DNASE1: variants seen among roughly 807,000 people sequenced by gnomAD.
The protein encoded by DNASE1 is deoxyribonuclease-1.
A neutral mutation model predicts 33.9 loss-of-function variants in DNASE1; 40 were observed. The ratio of observed to expected loss-of-function variants is 1.18; its 90% CI spans 0.92 to 1.54. The LOEUF (loss-of-function observed/expected upper bound fraction) is 1.54, where lower values mean the gene tolerates loss of function less well. Among genes scored for constraint, DNASE1 ranks in the 40% most tolerant of loss-of-function variants. The probability of loss-of-function intolerance (pLI) is 0.00; values close to 1 mark genes in which losing one functional copy is unlikely to be tolerated. For synonymous variants in DNASE1, 216 were observed against 160.0 expected, an observed-to-expected ratio of 1.35 and a Z score of -2.64; for missense variants, 518 against 372.6, an observed-to-expected ratio of 1.39 and a Z score of -3.21.
intron 1 of DNASE1, among the ~76,000 whole-genome samples, chr16:3,634,794 G>T (rs1409801323): frequency 6.6e-6 from 1 of 151,980 alleles, no homozygotes; most frequent in Non-Finnish European, 1.5e-5. Flanking sequence ...GGATTAACAG[G>T]TGTGAGCCAT....
chr16:3,658,366 T>G (rs538076270), downstream of DNASE1: 55 of 686,802 alleles, frequency 8.0e-5, no homozygotes, highest in African/African-American at 8.7e-4. Context: ...CCTCAGGTGA[T>G]CCCCCCGCCT....
chr16:3,615,491 T>C (rs1395752827), intron 1 of DNASE1, among the ~76,000 whole-genome samples: 1 of 152,194 alleles, frequency 6.6e-6, no homozygotes, highest in Non-Finnish European at 1.5e-5. Flanking sequence ...ACTAGATGGA[T>C]GTTATTTCAG....
intron 1 of DNASE1, among the ~76,000 whole-genome samples, chr16:3,645,657 T>C (rs377282476): frequency 6.6e-6 from 1 of 152,210 alleles, no homozygotes; most frequent in Non-Finnish European, 1.5e-5. Context: ...AGGCGAGTGC[T>C]GACATTCCAT....
rs747025420 is a variant in DNASE1 at position 3,620,518 on chromosome 16, C to CA, written c.-1359+8527dup. Among the ~76,000 whole-genome samples the CA allele has an allele frequency of 8.4e-3, 798 of 95,536 alleles. 3 individuals are homozygous for CA. The highest frequency in any genetic ancestry group is 0.017 in the Admixed American group (155 of 8,870). The allele number at this position is 95,536 out of a possible 152,430, so 62.7% of individuals were successfully genotyped here. On this transcript the variant is annotated intron_variant and NMD_transcript_variant, in intron 1 of 11. Coordinates refer to the DNASE1 transcript ENST00000570769. Reference sequence around the variant, plus strand: ...TGGGTGACAGAGTGAGACCCTGTCTCAAAAAAAAAAAAAAAGTAATTATAC... The same window carrying CA: ...TGGGTGACAGAGTGAGACCCTGTCTCAAAAAAAAAAAAAAAAGTAATTATAC...
exon 10 of DNASE1, chr16:3,663,850 G>A: frequency 2.3e-6 from 1 of 430,702 alleles, no homozygotes; most frequent in Non-Finnish European, 4.2e-6. Flanking sequence ...AAAGCAGGCA[G>A]ATCATGAGGT....
At chr16:3,642,419 A>G (rs1215660978), upstream of DNASE1, among the ~76,000 whole-genome samples, 1 of 152,184 alleles carries the variant, frequency 6.6e-6, no homozygotes, top group Non-Finnish European at 1.5e-5. Flanking sequence ...CCTTCCTCAG[A>G]GAGGCCTTGG....
At chr16:3,664,786 T>C in exon 10 of DNASE1, 1 of 278,486 alleles carries the variant, frequency 3.6e-6, no homozygotes, top group Non-Finnish European at 6.8e-6. Context: ...CCCTCTGCCC[T>C]CAGTGACAGA....
chr16:3,630,172 TTTGTTGTTTTTGTTG>T (rs942528052), intron 1 of DNASE1, among the ~76,000 whole-genome samples: 3 of 151,974 alleles, frequency 2.0e-5, no homozygotes, highest in African/African-American at 7.3e-5. Context: ...TGTTTTGTTT[TTTGTTGTTTTTGTTG>T]TTGTTGTTTT....
Position 3,658,055 on chromosome 16 carries a change from T to C in DNASE1, c.*102T>C, listed in dbSNP as rs939064932. 1.2e-6 allele frequency: 2 copies of C among 1,607,808 alleles called. No homozygotes were observed. Among genetic ancestry groups the C allele is most frequent in the African/African-American group, 2.7e-5 (2 of 74,732 alleles). On this transcript the variant is annotated 3_prime_UTR_variant, in exon 9 of 9. Transcript: ENST00000246949. Reference sequence around the variant, plus strand: ...CACACACTCGGGTTAAGAAATACCTTTAAATTTAGGTAAATAAAGCTCAAG... The same window carrying C: ...CACACACTCGGGTTAAGAAATACCTCTAAATTTAGGTAAATAAAGCTCAAG...
Position 3,632,258 on chromosome 16 carries a change from A to G in DNASE1, c.-1358-8457A>G, listed in dbSNP as rs141014254. Reference sequence around the variant, plus strand: ...GCTTGATGGTGCTGTTGAGTTCATTATGTCCTTACTGATTTTCTGCCTGCT... The same window carrying G: ...GCTTGATGGTGCTGTTGAGTTCATTGTGTCCTTACTGATTTTCTGCCTGCT... On this transcript the variant is annotated intron_variant and NMD_transcript_variant, in intron 1 of 11. Coordinates refer to the DNASE1 transcript ENST00000570769. Among the ~76,000 whole-genome samples, 386 of 152,272 alleles carry G rather than the reference A, an allele frequency of 2.5e-3. 4 individuals carry two copies. Among genetic ancestry groups the G allele is most frequent in the African/African-American group, 8.4e-3 (349 of 41,560 alleles).
chr16:3,661,987 C>T (rs750463851), downstream of DNASE1: 4 of 1,604,032 alleles, frequency 2.5e-6, no homozygotes, highest in Non-Finnish European at 3.4e-6. Flanking sequence ...GTGGCCTCAC[C>T]TGGGGTTGAT....
At chr16:3,655,979 C>T (rs1369647361) in intron 3 of DNASE1, 42 bp downstream of exon 3, 2 of 1,612,888 alleles carry the variant, frequency 1.2e-6, no homozygotes, top group Non-Finnish European at 1.7e-6. Flanking sequence ...GACATCTCGT[C>T]CACGGCACAG....
downstream of DNASE1, chr16:3,661,960 C>T (rs762549269): frequency 6.4e-7 from 1 of 1,572,304 alleles, no homozygotes; most frequent in Non-Finnish European, 8.6e-7. Flanking sequence ...ATCCCACAGG[C>T]TGGAAGAGCC....
chr16:3,653,314 CG>C (rs1284189477), upstream of DNASE1: 1 of 152,170 alleles, frequency 6.6e-6, no homozygotes, highest in Non-Finnish European at 1.5e-5. Context: ...GTCCAGTCTC[CG>C]GAATTTTGAG....
intron 1 of DNASE1, among the ~76,000 whole-genome samples, chr16:3,633,176 G>A (rs542511768): frequency 1.3e-5 from 2 of 152,228 alleles, no homozygotes; most frequent in African/African-American, 4.8e-5. Flanking sequence ...ACTGTTTTCT[G>A]TTGCTTTTAT....
In DNASE1 at chr16:3,657,425, A is replaced by G. The variant is rs1234997252; in HGVS notation, c.704+84A>G. ...CATAGGTCGGGCTTCAGAAGCCTCA[A>G]AGCCTTTGAACACTCACCCAACTGA... On this transcript the variant is annotated intron_variant, in intron 7 of 8. Coordinates refer to ENST00000246949, the MANE Select transcript of DNASE1 (RefSeq NM_005223.4). The G allele has an allele frequency of 3.2e-6, 5 of 1,549,204 alleles. No individual in the cohort carries two copies. In the African/African-American group the frequency reaches 6.8e-5, roughly 21 times the overall value.
chr16:3,649,209 G>A (rs2042260542), intron 1 of DNASE1, among the ~76,000 whole-genome samples: 1 of 152,206 alleles, frequency 6.6e-6, no homozygotes, highest in South Asian at 2.1e-4. Flanking sequence ...ATTAGGGACG[G>A]CAAAATGGTG....
intron 1 of DNASE1, among the ~76,000 whole-genome samples, chr16:3,625,269 G>T (rs1055441185): frequency 2.6e-5 from 4 of 152,140 alleles, no homozygotes; most frequent in African/African-American, 9.7e-5. Context: ...TCGTACCACT[G>T]CATTCCAGCC....
intron 1 of DNASE1, among the ~76,000 whole-genome samples, chr16:3,624,159 C>T (rs1056282896): frequency 6.6e-6 from 1 of 151,758 alleles, no homozygotes; most frequent in Non-Finnish European, 1.5e-5. Context: ...CGCCTGTAAT[C>T]CCAGGAAGCT....
Sources: gnomAD v4.1 joint callset for allele counts (sites outside exome capture counted in the v4.1 genomes callset) on GRCh38, gnomAD v4.1.1 for gene constraint, MANE v1.5 for transcripts, NCBI Gene and HGNC (gene_info 2026-07-23, HGNC 2026-07-21) for gene names.